HYAL4: variants seen among roughly 807,000 people sequenced by gnomAD.
The protein encoded by HYAL4 is hyaluronidase-4.
A neutral mutation model predicts 35.2 loss-of-function variants in HYAL4; 37 were observed. The observed-to-expected ratio is 1.05, with a 90% CI of 0.81 to 1.38. The LOEUF (loss-of-function observed/expected upper bound fraction) is 1.38, where lower values mean the gene tolerates loss of function less well. Among genes scored for constraint, HYAL4 ranks in the 40% most tolerant of loss-of-function variants. HYAL4 has a pLI of 0.00. For synonymous variants in HYAL4, 198 were observed against 203.2 expected (o/e 0.97, Z 0.22); for missense variants, 572 against 572.4 (o/e 1.00, Z 0.01).
the HYAL4 span, among the ~76,000 whole-genome samples, chr7:123,792,541 C>G: frequency 6.6e-6 from 1 of 152,196 alleles, no homozygotes; most frequent in Non-Finnish European, 1.5e-5. Context: ...TAGTCCAAAT[C>G]TCAAGGCTTG....
rs756090809 is a variant in HYAL4, at chr7:123,868,540, A to G, written c.267A>G (p.Ile89Met). 3 of 1,611,808 alleles carry G rather than the reference A, an allele frequency of 1.9e-6. No homozygotes were observed. The African/African-American group carries it at 4.0e-5, about 22-fold the overall frequency. Residue 89 changes from isoleucine to methionine, a missense_variant, in exon 3 of 5, where the codon ATA becomes ATG. Transcript: ENST00000223026. ...LAKARGQNVT[I>M]FYVNRLGYYP... The stretch of plus-strand genomic sequence containing the variant: ...AGGCCAGGGGGCAAAATGTCACTAT[A>G]TTTTATGTCAACAGATTGGGATACT...
the HYAL4 span, among the ~76,000 whole-genome samples, chr7:123,807,276 T>G: frequency 3.3e-5 from 5 of 152,074 alleles, no homozygotes; most frequent in African/African-American, 4.8e-5. Context: ...CTTCTTTTTC[T>G]TTTCATAAAA....
At chr7:123,842,906 T>C (rs940258119), upstream of HYAL4, among the ~76,000 whole-genome samples, 3 of 152,006 alleles carry the variant, frequency 2.0e-5, no homozygotes, top group African/African-American at 7.2e-5. Flanking sequence ...GCACGTGAGA[T>C]GGGTCTCCTG....
the HYAL4 span, among the ~76,000 whole-genome samples, chr7:123,777,456 C>T: frequency 1.3e-5 from 2 of 151,994 alleles, no homozygotes; most frequent in African/African-American, 4.8e-5. Context: ...ATACATGTGG[C>T]TTGCATTATA....
At chr7:123,834,083 G>A (rs957175921) in intron 1 of HYAL4, among the ~76,000 whole-genome samples, 4 of 151,902 alleles carry the variant, frequency 2.6e-5, no homozygotes, top group Admixed American at 1.3e-4. Flanking sequence ...TTTTGGTTCC[G>A]TAGGAATTTT....
At chr7:123,782,458 G>A in the HYAL4 span, among the ~76,000 whole-genome samples, 1 of 151,714 alleles carries the variant, frequency 6.6e-6, no homozygotes, top group Non-Finnish European at 1.5e-5. Context: ...TAGCAGACGG[G>A]TATTGACATA....
the HYAL4 span, among the ~76,000 whole-genome samples, chr7:123,783,868 C>T: frequency 3.9e-5 from 6 of 152,248 alleles, no homozygotes; most frequent in Admixed American, 6.5e-5. Context: ...ATTTCACTGG[C>T]GTGTTAAATG....
chr7:123,841,827 C>G (rs1806071526), upstream of HYAL4, among the ~76,000 whole-genome samples: 1 of 151,774 alleles, frequency 6.6e-6, no homozygotes, highest in Non-Finnish European at 1.5e-5. Context: ...TTTTGTAGGA[C>G]CAGTGGTGAT....
At chr7:123,828,146 A>G (rs1028850006), upstream of HYAL4, among the ~76,000 whole-genome samples, 2 of 152,138 alleles carry the variant, frequency 1.3e-5, no homozygotes, top group Non-Finnish European at 2.9e-5. Flanking sequence ...CTTACCTACT[A>G]TCATTGGACC....
chr7:123,835,488 T>C (rs926969270), intron 1 of HYAL4, among the ~76,000 whole-genome samples: 3 of 152,188 alleles, frequency 2.0e-5, no homozygotes, highest in Non-Finnish European at 4.4e-5. Flanking sequence ...CTCGATAATC[T>C]TGCTAATGGT....
chr7:123,775,008 A>T, the HYAL4 span, among the ~76,000 whole-genome samples: 2 of 152,328 alleles, frequency 1.3e-5, no homozygotes, highest in South Asian at 2.1e-4. Context: ...AAGAGCAGGG[A>T]AAATATCGTT....
chr7:123,826,030 A>G (rs1805799966), upstream of HYAL4, among the ~76,000 whole-genome samples: 1 of 151,948 alleles, frequency 6.6e-6, no homozygotes, highest in African/African-American at 2.4e-5. Context: ...CATTTTTTCC[A>G]GATCCAAAGA....
At chr7:123,773,240 G>C in the HYAL4 span, among the ~76,000 whole-genome samples, 1 of 152,170 alleles carries the variant, frequency 6.6e-6, no homozygotes, top group African/African-American at 2.4e-5. Flanking sequence ...ATGAGTTCCT[G>C]TTTGTGCTCT....
rs371836200 is a variant in HYAL4 at position 123,836,139 on chromosome 7, C to A, written c.-257+7015C>A. Among the ~76,000 whole-genome samples the A allele has an allele frequency of 3.0e-4, 45 of 152,190 alleles. 1 individual carries two copies. Among genetic ancestry groups the A allele is most frequent in the African/African-American group, 1.1e-3 (44 of 41,536 alleles). ...TATCCACTGTTTCTTTGTTGACTTT[C>A]TTCTTGATGACCTGTCTAGTGCTGT... On this transcript the variant is annotated intron_variant, in intron 1 of 4. Coordinates refer to the HYAL4 transcript ENST00000489978.
chr7:123,798,744 GA>G, the HYAL4 span, among the ~76,000 whole-genome samples: 1 of 152,168 alleles, frequency 6.6e-6, no homozygotes, highest in Non-Finnish European at 1.5e-5. Flanking sequence ...CTGAGGTAGT[GA>G]AAAGTCCATG....
chr7:123,783,113 T>C, the HYAL4 span, among the ~76,000 whole-genome samples: 1,334 of 152,282 alleles, frequency 8.8e-3, 20 homozygotes, highest in African/African-American at 0.03. Flanking sequence ...AGAAATTTTT[T>C]CCTTTTATTC....
At chr7:123,816,789 A>G in the HYAL4 span, among the ~76,000 whole-genome samples, 66 of 152,196 alleles carry the variant, frequency 4.3e-4, 1 homozygote, top group Non-Finnish European at 1.0e-4. Flanking sequence ...CATGTATCAT[A>G]TATCAAAAAA....
intron 1 of HYAL4, among the ~76,000 whole-genome samples, chr7:123,837,206 T>C (rs979426652): frequency 6.6e-6 from 1 of 152,190 alleles, no homozygotes; most frequent in African/African-American, 2.4e-5. Flanking sequence ...TAAAATTGTT[T>C]TGTTTAAGAG....
chr7:123,767,297 A>G, the HYAL4 span, among the ~76,000 whole-genome samples: 1 of 152,206 alleles, frequency 6.6e-6, no homozygotes, highest in Admixed American at 6.5e-5. Context: ...ATTTAAGTGT[A>G]GTAGCTTATG....
Sources: allele counts gnomAD v4.1 joint callset (sites outside exome capture counted in the v4.1 genomes callset), GRCh38; gene constraint gnomAD v4.1.1; transcripts MANE v1.5; gene names NCBI Gene and HGNC (gene_info 2026-07-23, HGNC 2026-07-21).